RLF: variants seen among roughly 807,000 people sequenced by gnomAD.
RLF encodes zinc finger protein Rlf.
A neutral mutation model predicts 162.9 loss-of-function variants in RLF; 7 were observed. The observed-to-expected ratio is 0.04, with a 90% CI of 0.02 to 0.08. The LOEUF (loss-of-function observed/expected upper bound fraction) is 0.08. Ranked by LOEUF, RLF falls within the 10% of genes least tolerant of loss-of-function variation. The probability of loss-of-function intolerance (pLI) is 1.00; values close to 1 mark genes in which losing one functional copy is unlikely to be tolerated. For synonymous variants in RLF, 782 were observed against 791.5 expected (o/e 0.99, Z 0.20); for missense variants, 1,664 against 2,244.7 (o/e 0.74, Z 5.23).
intron 1 of RLF, among the ~76,000 whole-genome samples, chr1:40,171,651 A>C (rs574112058): frequency 1.6e-4 from 24 of 152,216 alleles, no homozygotes; most frequent in Non-Finnish European, 3.2e-4. Flanking sequence ...CAAGATTTAC[A>C]AATAGATGAA....
At chr1:40,187,925 T>A (rs1472552641) in intron 1 of RLF, among the ~76,000 whole-genome samples, 1 of 152,198 alleles carries the variant, frequency 6.6e-6, no homozygotes, top group Admixed American at 6.5e-5. Context: ...TGAATTCAGA[T>A]AAGATGTATT....
chr1:40,188,855 G>A (rs1475917855), intron 1 of RLF, among the ~76,000 whole-genome samples, 200 bp from the exon 2 acceptor site: 1 of 152,110 alleles, frequency 6.6e-6, no homozygotes. Context: ...GAGTAGTTCT[G>A]CCATTTCTTT....
In RLF at chr1:40,240,024, G is replaced by C. The variant is rs370087710; in HGVS notation, c.5322G>C (p.Leu1774=). The stretch of plus-strand genomic sequence containing the variant: ...CTATGGGATTTGAATCTTCATTTCT[G>C]AAATTTATTCAGGAAAGTGAAGAGA... ...YKPMGFESSF[L]KFIQESEEKE... Residue 1774 remains leucine, a synonymous_variant, in exon 8 of 8, where the codon CTG becomes CTC. Transcript: ENST00000372771. 6.2e-7 allele frequency: 1 copy of C among 1,614,096 alleles called. No homozygotes were observed. Among genetic ancestry groups the C allele is most frequent in the Non-Finnish European group, 8.5e-7 (1 of 1,180,006 alleles).
intron 1 of RLF, among the ~76,000 whole-genome samples, chr1:40,176,631 C>T (rs780309920): frequency 5.3e-4 from 81 of 151,996 alleles, no homozygotes; most frequent in Admixed American, 7.9e-4. Context: ...TTTATAATGG[C>T]GGGATTTTGC....
chr1:40,204,936 G>A (rs1642768978), intron 5 of RLF, among the ~76,000 whole-genome samples: 1 of 152,138 alleles, frequency 6.6e-6, no homozygotes, highest in Non-Finnish European at 1.5e-5. Context: ...TCATCTACCA[G>A]CATCTATGAA....
chr1:40,220,970 TA>T (rs750563466), intron 5 of RLF, among the ~76,000 whole-genome samples: 2,083 of 101,798 alleles, frequency 0.02, 31 homozygotes, highest in African/African-American at 0.051. Flanking sequence ...CTACAAAAAT[TA>T]AAAAAAAAAA....
chr1:40,187,697 A>G (rs1642500740), intron 1 of RLF, among the ~76,000 whole-genome samples: 1 of 152,130 alleles, frequency 6.6e-6, no homozygotes, highest in African/African-American at 2.4e-5. Context: ...ATTTCCTTGT[A>G]AGTTGTTTCT....
intron 6 of RLF, among the ~76,000 whole-genome samples, chr1:40,225,326 C>T (rs1167126025): frequency 6.6e-6 from 1 of 152,136 alleles, no homozygotes; most frequent in Non-Finnish European, 1.5e-5. Context: ...CGCCTGTAAT[C>T]CCAGCAATTT....
In RLF at chr1:40,180,653, A is replaced by T. The variant is rs897790364; in HGVS notation, c.238-8402A>T. ...GGATTTCCCTAATTAGTGGTGTTTC[A>T]TATCTTTTCATGTGCTTATTGGCCA... On this transcript the variant is annotated intron_variant, in intron 1 of 7. Transcript: ENST00000372771. Among the ~76,000 whole-genome samples the T allele has an allele frequency of 2.6e-5, 4 of 152,208 alleles. No homozygotes were observed. The East Asian group carries it at 7.7e-4, about 29-fold the overall frequency.
At chr1:40,179,582 T>C (rs1024174956) in intron 1 of RLF, among the ~76,000 whole-genome samples, 5 of 151,724 alleles carry the variant, frequency 3.3e-5, no homozygotes, top group African/African-American at 1.2e-4. Context: ...TGTGGTAAAG[T>C]ATACGTAACA....
At chr1:40,216,342 G>A (rs1436318054) in intron 5 of RLF, among the ~76,000 whole-genome samples, 3 of 152,082 alleles carry the variant, frequency 2.0e-5, no homozygotes, top group Non-Finnish European at 4.4e-5. Flanking sequence ...AAACAAATCA[G>A]CTGGGCGTGG....
At chr1:40,174,275 G>A (rs924537485) in intron 1 of RLF, among the ~76,000 whole-genome samples, 5 of 152,132 alleles carry the variant, frequency 3.3e-5, no homozygotes, top group Admixed American at 6.6e-5. Context: ...GGAGGCTGAG[G>A]CAGGAGAATC....
At chr1:40,163,797 C>A (rs942389881) in intron 1 of RLF, among the ~76,000 whole-genome samples, 2 of 152,008 alleles carry the variant, frequency 1.3e-5, no homozygotes, top group African/African-American at 4.8e-5. Flanking sequence ...ATTTTCTGAC[C>A]TTTATCTCCT....
In RLF at chr1:40,182,780, GA is replaced by G. The variant is rs1553172720; in HGVS notation, c.238-6274del. The stretch of plus-strand genomic sequence containing the variant: ...AGATAGATAGATAGATAGATAGATA[GA>G]TAGATAGATAGAGTAATAAGTTAGT... On this transcript the variant is annotated intron_variant, in intron 1 of 7. Transcript: ENST00000372771. Among the ~76,000 whole-genome samples the G allele has an allele frequency of 2.6e-5, 4 of 152,148 alleles. No homozygotes were observed. In the South Asian group the frequency reaches 6.2e-4, roughly 24 times the overall value.
intron 4 of RLF, among the ~76,000 whole-genome samples, chr1:40,197,763 G>A (rs1355338814): frequency 1.3e-5 from 2 of 152,284 alleles, no homozygotes; most frequent in Non-Finnish European, 2.9e-5. Flanking sequence ...TATAAGTGGT[G>A]GGTAACATGT....
chr1:40,240,374 C>T lies in RLF; in HGVS notation c.5672C>T (p.Ser1891Phe), dbSNP rs780566684. ...YLRPVVVLER[S>F]KFSTPILDLF... is the part of the protein sequence containing the mutation. ...CGGCCAGTGGTGGTTCTTGAAAGATCTAAGTTTTCCACACCAATTTTAGAC... is the reference window on the plus strand; with the variant it reads ...CGGCCAGTGGTGGTTCTTGAAAGATTTAAGTTTTCCACACCAATTTTAGAC... Residue 1891 changes from serine to phenylalanine, a missense_variant, in exon 8 of 8, where the codon TCT becomes TTT. Coordinates refer to ENST00000372771, the MANE Select transcript of RLF (RefSeq NM_012421.4). 1 of 1,613,992 alleles carries T rather than the reference C, an allele frequency of 6.2e-7. No homozygotes were observed. The highest frequency in any genetic ancestry group is 8.5e-7 in the Non-Finnish European group (1 of 1,180,010).
intron 6 of RLF, among the ~76,000 whole-genome samples, chr1:40,225,862 G>C (rs919292215): frequency 1.4e-4 from 18 of 131,614 alleles, no homozygotes; most frequent in Admixed American, 2.6e-4. Context: ...CTGGGTGACA[G>C]AGCGAGACTC....
rs1453060813 is a variant in RLF, at chr1:40,225,880, A to C, written c.947+3170A>C. 2.8e-5 allele frequency among the ~76,000 whole-genome samples: 4 copies of C among 142,522 alleles called. No homozygotes were observed. The East Asian group carries it at 8.1e-4, about 29-fold the overall frequency. 93.5% of individuals were successfully genotyped at this position (142,522 alleles called of 152,430 possible). ...GGTGACAGAGCGAGACTCCGTCGCA[A>C]AAAAAAAAAAAAAAAAAAAAAAAAG... On this transcript the variant is annotated intron_variant, in intron 6 of 7. Coordinates refer to ENST00000372771, the MANE Select transcript of RLF (RefSeq NM_012421.4).
In RLF at chr1:40,238,409, G is replaced by A; in HGVS notation, c.3707G>A (p.Ser1236Asn). ...TCTGCAGAACTTGGAGGTGATCCCA[G>A]TAGTAACTCTGAGAAACCACACTGT... ...DCSAELGGDP[S>N]SNSEKPHCHP... Residue 1236 changes from serine (S) to asparagine (N), a missense_variant, in exon 8 of 8, where the codon AGT (serine) becomes AAT (asparagine). Around this residue, in one of 15 missense-constraint regions of RLF, gnomAD observed 102 missense variants for 109.5 expected, o/e 0.93. Coordinates refer to ENST00000372771, the MANE Select transcript of RLF (RefSeq NM_012421.4). This position sits in a 1 kb window ranked among gnomAD's most constrained non-coding sequence, Gnocchi z 5.2. 3.7e-6 allele frequency: 6 copies of A among 1,614,154 alleles called. No individual in the cohort carries two copies. The highest frequency in any genetic ancestry group is 5.1e-6 in the Non-Finnish European group (6 of 1,180,012).
Sources: gnomAD v4.1 joint callset for allele counts (sites outside exome capture counted in the v4.1 genomes callset) on GRCh38, gnomAD v4.1.1 for gene constraint, gnomAD v4.1.1 regional missense constraint, Gnocchi (gnomAD v3.1) non-coding constraint, MANE v1.5 for transcripts, NCBI Gene and HGNC (gene_info 2026-07-23, HGNC 2026-07-21) for gene names.